The following AKAP13 variants were observed in gnomAD, a reference collection of about 807,000 sequenced individuals.
AKAP13 encodes the protein A-kinase anchoring protein 13.
Under a neutral mutation model 264.5 loss-of-function variants are expected in AKAP13, and 80 were observed. That is an observed-to-expected ratio of 0.30 (90% CI 0.25 to 0.36). The LOEUF (loss-of-function observed/expected upper bound fraction) is 0.36, where lower values mean the gene tolerates loss of function less well. Among genes scored for constraint, AKAP13 ranks in the 10% least tolerant of loss-of-function variants. The probability of loss-of-function intolerance (pLI) is 1.00; values close to 1 mark genes in which losing one functional copy is unlikely to be tolerated. For synonymous variants in AKAP13, 1,380 were observed against 1,250.2 expected, an observed-to-expected ratio of 1.10 and a Z score of -2.19; for missense variants, 3,712 against 3,435.2, an observed-to-expected ratio of 1.08 and a Z score of -2.01.
intron 12 of AKAP13, among the ~76,000 whole-genome samples, chr15:85,659,284 A>G (rs748660070): frequency 5.3e-5 from 8 of 152,238 alleles, no homozygotes; most frequent in Non-Finnish European, 1.2e-4. Context: ...GTGACCTTCC[A>G]TTGTTTAGAA....
intron 5 of AKAP13, among the ~76,000 whole-genome samples, chr15:85,547,579 T>C (rs2077799872): frequency 1.3e-5 from 2 of 152,188 alleles, no homozygotes; most frequent in Non-Finnish European, 2.9e-5. Context: ...TTGTAACCCA[T>C]GATTGTTAAC....
chr15:85,662,758 C>T (rs181622121), intron 12 of AKAP13, among the ~76,000 whole-genome samples: 6 of 152,080 alleles, frequency 3.9e-5, no homozygotes, highest in Admixed American at 1.3e-4. Context: ...TCTTGGAACC[C>T]GAAGAAAACA....
At position 85,580,381 on chromosome 15, in the gene AKAP13, A is replaced by C; in HGVS notation, c.2313A>C (p.Lys771Asn). 6.2e-7 allele frequency: 1 copy of C among 1,614,240 alleles called. No individual in the cohort carries two copies. The highest frequency in any genetic ancestry group is 8.5e-7 in the Non-Finnish European group (1 of 1,180,054). ...ATCCAGTTGTCCCTAAAATGGAGAA[A>C]GAACTGGTGCCAGACCAGGCAGTAA... ...HPHPVVPKMEKELVPDQAVIS... is the reference protein window; with the variant it reads ...HPHPVVPKMENELVPDQAVIS... Residue 771 changes from lysine (K) to asparagine (N), a missense_variant, in exon 7 of 37, where the codon AAA becomes AAC. By Grantham distance (94) the Lys-to-Asn change is moderately conservative. This residue lies in a region of AKAP13 where 2,759 missense variants were observed against 2,411.7 expected (regional missense o/e 1.14). Transcript: ENST00000394518.
rs534098467 is a variant in AKAP13, at chr15:85,579,252, C to G, written c.1184C>G (p.Ser395Cys). Reference sequence around the variant, plus strand: ...CCTATTGTGGACTCTGGAACTGTATCTGATCAAGACAGCTGCCTTCAGAGC... The same window carrying G: ...CCTATTGTGGACTCTGGAACTGTATGTGATCAAGACAGCTGCCTTCAGAGC... The part of the protein sequence containing the change: ...PAPIVDSGTV[S>C]DQDSCLQSLP... Residue 395 changes from serine (S) to cysteine (C), a missense_variant, in exon 7 of 37, where the codon TCT (serine) becomes TGT (cysteine). Ser to Cys is a moderately radical substitution (Grantham distance 112, BLOSUM62 -1). This residue lies in a region of AKAP13 where 2,759 missense variants were observed against 2,411.7 expected (regional missense o/e 1.14). Coordinates refer to ENST00000394518, the MANE Select transcript of AKAP13 (RefSeq NM_007200.5). 2.4e-4 allele frequency: 389 copies of G among 1,614,214 alleles called. 4 individuals are homozygous for G. In the South Asian group the frequency reaches 4.0e-3, roughly 17 times the overall value.
chr15:85,399,543 T>A (rs149010792), intron 1 of AKAP13, among the ~76,000 whole-genome samples: 24,397 of 121,640 alleles, frequency 0.2, 2,889 homozygotes, highest in East Asian at 0.42. Flanking sequence ...AAAAAATAAA[T>A]AAATAAATAA....
intron 2 of AKAP13, among the ~76,000 whole-genome samples, chr15:85,516,821 A>G (rs946548223): frequency 1.8e-4 from 28 of 152,158 alleles, no homozygotes; most frequent in African/African-American, 6.0e-4. Context: ...TTGACAAGAG[A>G]TGTGAGTTGT....
At chr15:85,587,274 T>C (rs1196133665) in intron 8 of AKAP13, among the ~76,000 whole-genome samples, 1 of 152,256 alleles carries the variant, frequency 6.6e-6, no homozygotes, top group Non-Finnish European at 1.5e-5. Flanking sequence ...AAACTGCCCA[T>C]TCCAGAACTT....
At chr15:85,658,611 A>G in intron 12 of AKAP13, 21 bp downstream of exon 12, 2 of 1,606,224 alleles carry the variant, frequency 1.2e-6, no homozygotes, top group Non-Finnish European at 1.7e-6. Context: ...CATTAACTTG[A>G]TGGACTAACC....
intron 5 of AKAP13, among the ~76,000 whole-genome samples, chr15:85,563,349 T>TTTTTTTTTC (rs1692977074): frequency 1.6e-5 from 2 of 122,924 alleles, no homozygotes; most frequent in Non-Finnish European, 3.2e-5. Flanking sequence ...TTTTTTTTTT[T>TTTTTTTTTC]TTTTTAAAGA....
Position 85,434,046 on chromosome 15 carries a change from C to T in AKAP13, c.-11-51664C>T, listed in dbSNP as rs1395625378. On this transcript the variant is annotated intron_variant, in intron 1 of 36. Transcript: ENST00000394518. ...CGACGCAGAAGACGGGTGATTTCTG[C>T]ATTTCCATCTGAGGTACCAGGTTTA... Among the ~76,000 whole-genome samples the T allele has an allele frequency of 4.6e-5, 7 of 151,800 alleles. No homozygotes were observed. The South Asian group carries it at 1.2e-3, about 27-fold the overall frequency.
chr15:85,555,522 T>C lies in AKAP13; in HGVS notation c.662+11567T>C, dbSNP rs1298499677. The C allele has an allele frequency of 1.1e-5, 13 of 1,205,304 alleles. 1 individual carries two copies. In the South Asian group the frequency reaches 1.5e-4, roughly 14 times the overall value. The allele number at this position is 1,205,304 out of a possible 1,614,324, so 74.7% of individuals were successfully genotyped here. ...TATCAGCTTCCAGACCAATGCTTTG[T>C]TAATCTTCATTGTTTATTCTCTGAC... On this transcript the variant is annotated intron_variant, in intron 5 of 36. Transcript: ENST00000394518.
chr15:85,545,101 G>C (rs1376811831), intron 5 of AKAP13, among the ~76,000 whole-genome samples: 2 of 152,136 alleles, frequency 1.3e-5, no homozygotes, highest in Non-Finnish European at 2.9e-5. Context: ...GTGGTAGGAG[G>C]GGCACTTATC....
At chr15:85,705,149 A>AT (rs1408944190) in intron 17 of AKAP13, among the ~76,000 whole-genome samples, 2 of 152,156 alleles carry the variant, frequency 1.3e-5, no homozygotes, top group Non-Finnish European at 2.9e-5. Context: ...ATTTTAAATG[A>AT]TTTTTTTCTG....
intron 8 of AKAP13, among the ~76,000 whole-genome samples, chr15:85,600,799 ATTC>A (rs2080026193): frequency 6.8e-6 from 1 of 147,794 alleles, no homozygotes; most frequent in Admixed American, 6.8e-5. Context: ...GGGAGATAAA[ATTC>A]TTCTGCCACG....
intron 1 of AKAP13, among the ~76,000 whole-genome samples, chr15:85,455,762 G>A (rs1007681581): frequency 7.9e-5 from 12 of 151,748 alleles, no homozygotes; most frequent in South Asian, 6.3e-4. Flanking sequence ...AACAATTTGT[G>A]TCTGACACCG....
chr15:85,699,558 T>C (rs910307796), intron 17 of AKAP13, among the ~76,000 whole-genome samples: 2 of 152,262 alleles, frequency 1.3e-5, no homozygotes, highest in African/African-American at 4.8e-5. Flanking sequence ...CTCTTTATTT[T>C]ATTCTTTTAG....
chr15:85,409,369 G>A lies in AKAP13; in HGVS notation c.-12+28571G>A, dbSNP rs181952600. Among the ~76,000 whole-genome samples, 57 of 151,460 alleles carry A rather than the reference G, an allele frequency of 3.8e-4. 2 individuals are homozygous for A. Among genetic ancestry groups the A allele is most frequent in the African/African-American group, 1.3e-3 (55 of 40,910 alleles). On this transcript the variant is annotated intron_variant, in intron 1 of 36. Transcript: ENST00000394518. Reference sequence around the variant, plus strand: ...TTTTTTGTATTTTTAGTGGAGACAGGGTTTCATCATGTTGTCTAGGCTGGT... The same window carrying A: ...TTTTTTGTATTTTTAGTGGAGACAGAGTTTCATCATGTTGTCTAGGCTGGT...
In AKAP13 at chr15:85,730,822, C is replaced by CA. The variant is rs559836931; in HGVS notation, c.7282+119dup. ...TAAAGCACAAATGCAGAAAATTACC[C>CA]AAAACAAATATTTCACTATAGTAAA... On this transcript the variant is annotated intron_variant, in intron 30 of 36. Transcript: ENST00000394518. The CA allele has an allele frequency of 2.6e-4, 230 of 899,522 alleles. 2 individuals carry two copies. In the East Asian group the frequency reaches 4.5e-3, roughly 18 times the overall value. 55.7% of individuals were successfully genotyped at this position (899,522 alleles called of 1,614,324 possible). A position where few individuals can be genotyped will look rare whatever the true frequency, so the allele number is the denominator to read the frequency against.
chr15:85,712,824 G>A (rs62022941), intron 19 of AKAP13, among the ~76,000 whole-genome samples: 24,698 of 152,160 alleles, frequency 0.16, 2,362 homozygotes, highest in Non-Finnish European at 0.22. Context: ...GATTATAGGC[G>A]TGAACCACTG....
Sources: allele counts gnomAD v4.1 joint callset (sites outside exome capture counted in the v4.1 genomes callset), GRCh38; gene constraint gnomAD v4.1.1; regional missense constraint gnomAD v4.1.1; transcripts MANE v1.5; gene names NCBI Gene and HGNC (gene_info 2026-07-23, HGNC 2026-07-21).